The following PHF20 variants were observed in gnomAD, a reference collection of about 807,000 sequenced individuals.
PHF20 encodes the protein PHD finger protein 20, also known as glioma-expressed antigen 2.
Under a neutral mutation model 113.5 loss-of-function variants are expected in PHF20, and 23 were observed. The ratio of observed to expected loss-of-function variants is 0.20; its 90% CI spans 0.15 to 0.29. The LOEUF (loss-of-function observed/expected upper bound fraction) is 0.29, where lower values mean the gene tolerates loss of function less well. Among genes scored for constraint, PHF20 ranks in the 10% least tolerant of loss-of-function variants. The pLI, the probability that PHF20 is intolerant of heterozygous loss-of-function variation, is 1.00. For missense variants in PHF20, 943 were observed against 1,219.6 expected (o/e 0.77, Z 3.38); for synonymous variants, 434 against 457.3 (o/e 0.95, Z 0.65).
intron 1 of PHF20, among the ~76,000 whole-genome samples, chr20:35,787,520 G>T (rs138377551): frequency 6.9e-6 from 1 of 145,308 alleles, no homozygotes; most frequent in South Asian, 2.2e-4. Context: ...ACAGAGTTTC[G>T]CTCTGTCTCC....
intron 2 of PHF20, among the ~76,000 whole-genome samples, chr20:35,816,915 G>GTAGTGGC (rs1401077439): frequency 6.8e-6 from 1 of 147,580 alleles, no homozygotes; most frequent in African/African-American, 2.5e-5. Context: ...CCTCAGCCTC[G>GTAGTGGC]TGAGTAGTGG....
intron 3 of PHF20, among the ~76,000 whole-genome samples, chr20:35,847,033 A>G (rs1415480151): frequency 1.3e-5 from 2 of 152,158 alleles, no homozygotes; most frequent in Non-Finnish European, 2.9e-5. Flanking sequence ...CATTCCCAGG[A>G]GAGCGAGAAG....
intron 9 of PHF20, among the ~76,000 whole-genome samples, chr20:35,884,557 T>C (rs1033462747): frequency 6.6e-6 from 1 of 152,206 alleles, no homozygotes; most frequent in Non-Finnish European, 1.5e-5. Context: ...TTCCTTCCAC[T>C]TGAGTATTTG....
intron 14 of PHF20, among the ~76,000 whole-genome samples, chr20:35,929,104 G>C (rs1233405725): frequency 6.6e-6 from 1 of 152,120 alleles, no homozygotes; most frequent in Admixed American, 6.5e-5. Flanking sequence ...CTCTGCTTCC[G>C]TTACTCCTTT....
chr20:35,820,695 T>C (rs2042153414), intron 2 of PHF20, among the ~76,000 whole-genome samples: 1 of 152,056 alleles, frequency 6.6e-6, no homozygotes, highest in African/African-American at 2.4e-5. Flanking sequence ...GTGATCTGCC[T>C]GCCTCAGCCT....
intron 14 of PHF20, among the ~76,000 whole-genome samples, chr20:35,928,376 T>A (rs1352414388): frequency 7.3e-6 from 1 of 137,110 alleles, no homozygotes; most frequent in Non-Finnish European, 1.5e-5. Flanking sequence ...GTGGCGGAGG[T>A]TGCAGTGAGC....
Position 35,917,490 on chromosome 20 carries a change from A to G in PHF20, c.1832A>G (p.Asp611Gly), listed in dbSNP as rs1344384108. 1 of 1,613,218 alleles carries G rather than the reference A, an allele frequency of 6.2e-7. No homozygotes were observed. The highest frequency in any genetic ancestry group is 2.2e-5 in the East Asian group (1 of 44,870). ...HKGKVKALEE[D>G]NLSESSSESF... ...GTTTTCCCTTTCCTCGTAGAGGAGGATAATTTGAGTGAGTCCTCTTCTGAG... is the reference window on the plus strand; with the variant it reads ...GTTTTCCCTTTCCTCGTAGAGGAGGGTAATTTGAGTGAGTCCTCTTCTGAG... Residue 611 changes from aspartate (D) to glycine (G), a missense_variant, in exon 13 of 18, where the codon GAT becomes GGT. By Grantham distance (94) the Asp-to-Gly change is moderately conservative. Coordinates refer to ENST00000374012, the MANE Select transcript of PHF20 (RefSeq NM_016436.5).
At chr20:35,794,218 T>G (rs1035474418) in intron 1 of PHF20, among the ~76,000 whole-genome samples, 1 of 150,166 alleles carries the variant, frequency 6.7e-6, no homozygotes, top group Non-Finnish European at 1.5e-5. Context: ...GAGAATCTCT[T>G]GAACCTGGGA....
At chr20:35,834,789 C>T (rs2042411863) in intron 2 of PHF20, among the ~76,000 whole-genome samples, 1 of 152,150 alleles carries the variant, frequency 6.6e-6, no homozygotes, top group Non-Finnish European at 1.5e-5. Context: ...GGGCATAGTT[C>T]CTGCCCTGTA....
intron 1 of PHF20, among the ~76,000 whole-genome samples, chr20:35,796,537 C>T (rs1021241381): frequency 1.3e-5 from 2 of 152,114 alleles, no homozygotes; most frequent in Non-Finnish European, 2.9e-5. Flanking sequence ...ATGGTCAGGA[C>T]CCCAGGAGGT....
At chr20:35,844,399 G>T (rs2042583660) in intron 3 of PHF20, among the ~76,000 whole-genome samples, 1 of 148,004 alleles carries the variant, frequency 6.8e-6, no homozygotes, top group African/African-American at 2.5e-5. Context: ...ACCGCGCCCA[G>T]CCGGTTTTTT....
chr20:35,804,230 T>G (rs967309349), intron 2 of PHF20, among the ~76,000 whole-genome samples: 2 of 83,402 alleles, frequency 2.4e-5, no homozygotes, highest in Non-Finnish European at 4.8e-5. Flanking sequence ...CTACTGTATG[T>G]TTTTTTTTTT....
At chr20:35,942,449 G>A (rs1026788397) in intron 17 of PHF20, among the ~76,000 whole-genome samples, 6 of 152,176 alleles carry the variant, frequency 3.9e-5, no homozygotes, top group African/African-American at 4.8e-5. Flanking sequence ...GTGAATGTTC[G>A]GTTGTTGCCA....
At position 35,947,606 on chromosome 20, in the gene PHF20, C is replaced by T. The variant is rs550356784; in HGVS notation, c.3018C>T (p.Ile1006=). 28 of 1,613,880 alleles carry T rather than the reference C, an allele frequency of 1.7e-5. No homozygotes were observed. The East Asian group carries it at 2.9e-4, about 17-fold the overall frequency. Reference sequence around the variant, plus strand: ...TGGACCTGGGCAAGGTGCAGCAGATCGCCCTCTGCTGCTCAACATGAAACT... The same window carrying T: ...TGGACCTGGGCAAGGTGCAGCAGATTGCCCTCTGCTGCTCAACATGAAACT... The part of the protein sequence containing the change: ...LLMDLGKVQQ[I]ALCCST The change falls in exon 18 of 18, where the codon ATC becomes ATT. Residue 1006 remains isoleucine (I), a synonymous_variant. Coordinates refer to ENST00000374012, the MANE Select transcript of PHF20 (RefSeq NM_016436.5).
intron 2 of PHF20, among the ~76,000 whole-genome samples, chr20:35,822,183 G>T (rs1189410435): frequency 6.6e-6 from 1 of 152,012 alleles, no homozygotes; most frequent in East Asian, 1.9e-4. Flanking sequence ...ACGGAAGATC[G>T]CTTGAATCCC....
chr20:35,833,304 T>C (rs1425377907), intron 2 of PHF20, among the ~76,000 whole-genome samples: 1 of 152,104 alleles, frequency 6.6e-6, no homozygotes, highest in Non-Finnish European at 1.5e-5. Context: ...TAACCTTATT[T>C]ATTATGAATT....
In PHF20 at chr20:35,947,827, T is replaced by TA; in HGVS notation, c.*203dup. On this transcript the variant is annotated 3_prime_UTR_variant, in exon 18 of 18. Transcript: ENST00000374012. ...GACACTCTGATCTCGAAGCCTGCCA[T>TA]AAAGGTAGCAAATAGACTCTTGGGA... The TA allele has an allele frequency of 7.1e-6, 4 of 560,052 alleles. No individual in the cohort carries two copies. Among genetic ancestry groups the TA allele is most frequent in the Non-Finnish European group, 1.3e-5 (4 of 313,308 alleles). The allele number at this position is 560,052 out of a possible 1,614,324, so 34.7% of individuals were successfully genotyped here.
At chr20:35,862,222 G>A (rs182575329) in intron 5 of PHF20, among the ~76,000 whole-genome samples, 1 of 152,320 alleles carries the variant, frequency 6.6e-6, no homozygotes, top group East Asian at 1.9e-4. Flanking sequence ...GATAGAGAAA[G>A]CAGAGACCCT....
intron 17 of PHF20, 138 bp from the exon 18 acceptor site, chr20:35,947,347 C>A: frequency 1.3e-6 from 1 of 768,622 alleles, no homozygotes; most frequent in Non-Finnish European, 2.0e-6. Context: ...CCCTTCCTCC[C>A]TTGCCCCATG....
Sources: gnomAD v4.1 joint callset for allele counts (sites outside exome capture counted in the v4.1 genomes callset) on GRCh38, gnomAD v4.1.1 for gene constraint, MANE v1.5 for transcripts, NCBI Gene and HGNC (gene_info 2026-07-23, HGNC 2026-07-21) for gene names.